The following RGL1 variants were observed in gnomAD, a reference collection of about 807,000 sequenced individuals.
RGL1 encodes ral guanine nucleotide dissociation stimulator-like 1.
Under a neutral mutation model 95.2 loss-of-function variants are expected in RGL1, and 24 were observed. The observed-to-expected ratio is 0.25, with a 90% CI of 0.18 to 0.35. The LOEUF (loss-of-function observed/expected upper bound fraction) is 0.35. Among genes scored for constraint, RGL1 ranks in the 10% least tolerant of loss-of-function variants. The pLI is 1.00. For synonymous variants in RGL1, 329 were observed against 344.9 expected, an observed-to-expected ratio of 0.95 and a Z score of 0.51; for missense variants, 715 against 936.3, an observed-to-expected ratio of 0.76 and a Z score of 3.08.
intron 2 of RGL1, among the ~76,000 whole-genome samples, chr1:183,760,814 G>C (rs1401006770): frequency 6.6e-6 from 1 of 152,100 alleles, no homozygotes; most frequent in Non-Finnish European, 1.5e-5. Flanking sequence ...TATCAACTAA[G>C]TTTATGTAAT....
chr1:183,685,002 G>C (rs1301153229), intron 1 of RGL1, among the ~76,000 whole-genome samples: 2 of 152,220 alleles, frequency 1.3e-5, no homozygotes, highest in African/African-American at 2.4e-5. Context: ...CGTTGATCTT[G>C]CTGGAAGCTA....
intron 1 of RGL1, among the ~76,000 whole-genome samples, chr1:183,697,352 A>G (rs1236626621): frequency 6.6e-6 from 1 of 152,020 alleles, no homozygotes; most frequent in Non-Finnish European, 1.5e-5. Flanking sequence ...TTATTTTCTA[A>G]TATTTTACAT....
intron 1 of RGL1, among the ~76,000 whole-genome samples, chr1:183,704,544 A>C (rs1267702028): frequency 6.6e-6 from 1 of 152,154 alleles, no homozygotes; most frequent in African/African-American, 2.4e-5. Context: ...CAAACCAAGT[A>C]AAGGAGGCAT....
intron 2 of RGL1, among the ~76,000 whole-genome samples, chr1:183,846,546 A>G (rs1328439963): frequency 6.6e-6 from 1 of 151,944 alleles, no homozygotes; most frequent in South Asian, 2.1e-4. Context: ...ATTTTTAAAA[A>G]AAAAAAGAAT....
chr1:183,827,498 C>T (rs895962057), intron 2 of RGL1, among the ~76,000 whole-genome samples: 1 of 152,230 alleles, frequency 6.6e-6, no homozygotes, highest in Non-Finnish European at 1.5e-5. Flanking sequence ...CTGTTTGTTA[C>T]TCTCATGTCT....
rs963903373 is a variant in RGL1, at chr1:183,648,429, A to G, written c.-33+11928A>G. The stretch of plus-strand genomic sequence containing the variant: ...AGGGGAGTTGTTGGAATACAGAATG[A>G]TATGCCTGATGCTGTCATTATTGTA... On this transcript the variant is annotated intron_variant, in intron 1 of 18. Coordinates refer to the RGL1 transcript ENST00000304685. 7 of 1,614,092 alleles carry G rather than the reference A, an allele frequency of 4.3e-6. No homozygotes were observed. In the African/African-American group the frequency reaches 8.0e-5, roughly 18 times the overall value.
chr1:183,728,634 T>C (rs1473762138), intron 1 of RGL1, among the ~76,000 whole-genome samples: 1 of 152,160 alleles, frequency 6.6e-6, no homozygotes, highest in African/African-American at 2.4e-5. Flanking sequence ...GATTTTCTTA[T>C]AGAAATGTTC....
At chr1:183,680,758 T>C (rs10911400) in intron 1 of RGL1, among the ~76,000 whole-genome samples, 12,316 of 152,264 alleles carry the variant, frequency 0.081, 918 homozygotes, top group African/African-American at 0.2. Context: ...AATCTATAAA[T>C]TATTTTGGGC....
chr1:183,737,831 A>G (rs1015676444), intron 1 of RGL1, among the ~76,000 whole-genome samples: 8 of 152,144 alleles, frequency 5.3e-5, no homozygotes, highest in Admixed American at 2.0e-4. Flanking sequence ...GCCTTTATAT[A>G]CATACAGGTT....
At chr1:183,746,608 C>T (rs1374444361) in intron 2 of RGL1, among the ~76,000 whole-genome samples, 2 of 142,440 alleles carry the variant, frequency 1.4e-5, no homozygotes, top group African/African-American at 5.2e-5. Flanking sequence ...CTGATATGAA[C>T]ATAGTATACA....
At chr1:183,732,512 A>G (rs1405560957) in intron 1 of RGL1, among the ~76,000 whole-genome samples, 1 of 152,150 alleles carries the variant, frequency 6.6e-6, no homozygotes. Context: ...GAGGCATTTC[A>G]CAAACTTGGC....
intron 14 of RGL1, among the ~76,000 whole-genome samples, chr1:183,908,350 C>T (rs760070165): frequency 6.6e-5 from 10 of 152,124 alleles, no homozygotes; most frequent in East Asian, 1.9e-4. Context: ...CCACCATCAG[C>T]GGCCACGCAG....
At chr1:183,884,979 G>T (rs1667034213) in intron 7 of RGL1, 41 bp downstream of exon 7, 1 of 1,514,868 alleles carries the variant, frequency 6.6e-7, no homozygotes, top group South Asian at 1.2e-5. Context: ...TTTGGTAGAT[G>T]CAAGAGACTG....
chr1:183,854,549 A>T (rs1665021245), intron 3 of RGL1, among the ~76,000 whole-genome samples: 1 of 152,184 alleles, frequency 6.6e-6, no homozygotes, highest in Non-Finnish European at 1.5e-5. Context: ...GGAGTTGATC[A>T]GATATAAAGC....
rs188121013 is a variant in RGL1, at chr1:183,916,958, A to T, written c.2004+257A>T. Among the ~76,000 whole-genome samples the T allele has an allele frequency of 2.0e-4, 31 of 152,286 alleles. No individual in the cohort carries two copies. The East Asian group carries it at 5.8e-3, about 28-fold the overall frequency. On this transcript the variant is annotated intron_variant, in intron 16 of 17. Transcript: ENST00000360851. ...GGATATAATTTTCACATCTTAAAGAAATGCTAAAACTTATTCGTTTAGGTC... is the reference window on the plus strand; with the variant it reads ...GGATATAATTTTCACATCTTAAAGATATGCTAAAACTTATTCGTTTAGGTC...
At chr1:183,646,487 A>G (rs542293265) in intron 1 of RGL1, 1 of 152,306 alleles carries the variant, frequency 6.6e-6, no homozygotes, top group East Asian at 1.9e-4. Flanking sequence ...CTTGTAATGT[A>G]TCTTTACATA....
intron 17 of RGL1, among the ~76,000 whole-genome samples, chr1:183,924,095 G>C (rs1669473622): frequency 6.6e-6 from 1 of 152,104 alleles, no homozygotes; most frequent in African/African-American, 2.4e-5. Context: ...AATGCCATTT[G>C]ACCCAGCAAT....
chr1:183,916,903 A>C (rs574393248), intron 16 of RGL1, among the ~76,000 whole-genome samples: 7 of 152,276 alleles, frequency 4.6e-5, no homozygotes, highest in African/African-American at 1.7e-4. Context: ...AAATATATAT[A>C]CATATATATG....
intron 3 of RGL1, 39 bp from the exon 4 acceptor site, chr1:183,865,954 CACT>C: frequency 7.1e-7 from 1 of 1,406,444 alleles, no homozygotes; most frequent in Non-Finnish European, 1.0e-6. Flanking sequence ...TTTCCAACAC[CACT>C]GACTGTTTTT....
Sources: gnomAD v4.1 joint callset for allele counts (sites outside exome capture counted in the v4.1 genomes callset) on GRCh38, gnomAD v4.1.1 for gene constraint, MANE v1.5 for transcripts, NCBI Gene and HGNC (gene_info 2026-07-23, HGNC 2026-07-21) for gene names.